Variants in NME7 observed in about 807,000 individuals in gnomAD.
NME7 encodes NME/NM23 family member 7.
NME7 carries 41 observed loss-of-function variants against 49.1 expected under a neutral mutation model. The observed-to-expected ratio is 0.83, with a 90% confidence interval of 0.65 to 1.08. The LOEUF is 1.08. Among genes scored for constraint, NME7 ranks in the 50% least tolerant of loss-of-function variants. The pLI, the probability that NME7 is intolerant of heterozygous loss-of-function variation, is 0.00. For synonymous variants in NME7, 139 were observed against 150.6 expected, an observed-to-expected ratio of 0.92 and a Z score of 0.56; for missense variants, 423 against 463.4, an observed-to-expected ratio of 0.91 and a Z score of 0.80.
intron 7 of NME7, among the ~76,000 whole-genome samples, chr1:169,278,479 C>T (rs1273238418): frequency 1.3e-5 from 2 of 152,112 alleles, no homozygotes; most frequent in African/African-American, 4.8e-5. Flanking sequence ...TTGATCGCAT[C>T]GACTCCTGAG....
chr1:169,168,689 A>C (rs1659486132), intron 11 of NME7, among the ~76,000 whole-genome samples: 2 of 152,180 alleles, frequency 1.3e-5, no homozygotes, highest in Non-Finnish European at 2.9e-5. Flanking sequence ...ATCTACATAT[A>C]ACTTTTGATT....
chr1:169,157,179 A>AT (rs1659102298), intron 11 of NME7, among the ~76,000 whole-genome samples: 1 of 152,168 alleles, frequency 6.6e-6, no homozygotes, highest in Admixed American at 6.5e-5. Flanking sequence ...TCATTGAGAC[A>AT]TTTCCGCCAC....
At chr1:169,242,363 T>G (rs1297980825) in intron 7 of NME7, among the ~76,000 whole-genome samples, 1 of 151,676 alleles carries the variant, frequency 6.6e-6, no homozygotes, top group East Asian at 1.9e-4. Flanking sequence ...AAAAAACATT[T>G]GAAAATATAC....
chr1:169,285,987 A>G (rs1197411387), intron 7 of NME7: 1 of 152,210 alleles, frequency 6.6e-6, no homozygotes, highest in African/African-American at 2.4e-5. Context: ...TTTAATTTTA[A>G]TATCAAAACA....
At chr1:169,185,096 C>T (rs911989746) in intron 10 of NME7, among the ~76,000 whole-genome samples, 2 of 152,120 alleles carry the variant, frequency 1.3e-5, no homozygotes, top group African/African-American at 4.8e-5. Flanking sequence ...GAACTTCTTT[C>T]CATTCTGAAC....
chr1:169,283,899 C>A (rs1296530515), intron 7 of NME7: 1 of 152,022 alleles, frequency 6.6e-6, no homozygotes, highest in African/African-American at 2.4e-5. Context: ...TCATTTCAAC[C>A]TTGGTGAATC....
In NME7 at chr1:169,132,795, A is replaced by G. The variant is rs1397040107; in HGVS notation, c.1121T>C (p.Leu374Ser). The G allele has an allele frequency of 1.2e-6, 2 of 1,613,386 alleles. No homozygotes were observed. The highest frequency in any genetic ancestry group is 2.2e-5 in the East Asian group (1 of 44,838). ...LLEVQYFFKI[L>S]DN ...TTACTTTCCACACCACTAATTATCC[A>G]AGATCTTGAAGAAGTATTGAACCTG... The change falls in exon 12 of 12, where the codon TTG (leucine) becomes TCG (serine). Residue 374 changes from leucine (L) to serine (S), a missense_variant. By Grantham distance (145) the Leu-to-Ser change is moderately radical (BLOSUM62 -2). Transcript: ENST00000367811.
chr1:169,256,127 G>C lies in NME7; in HGVS notation c.755-18440C>G, dbSNP rs1200988167. Among the ~76,000 whole-genome samples, 6 of 133,208 alleles carry C rather than the reference G, an allele frequency of 4.5e-5. 1 individual carries two copies. Among genetic ancestry groups the C allele is most frequent in the Non-Finnish European group, 1.1e-4 (6 of 56,726 alleles). 87.4% of individuals were successfully genotyped at this position (133,208 alleles called of 152,430 possible). A position where few individuals can be genotyped will look rare whatever the true frequency, so the allele number is the denominator to read the frequency against. ...TGTTGGCCTGCCTTGCTAGATTGGG[G>C]AAGTTCTCCTGGATAATATCCTACA... On this transcript the variant is annotated intron_variant, in intron 7 of 11. Coordinates refer to ENST00000367811, the MANE Select transcript of NME7 (RefSeq NM_013330.5).
chr1:169,195,013 A>G (rs1660335933), intron 10 of NME7, among the ~76,000 whole-genome samples: 1 of 152,208 alleles, frequency 6.6e-6, no homozygotes, highest in African/African-American at 2.4e-5. Flanking sequence ...AGAACAGACC[A>G]GAGACTAACT....
intron 1 of NME7, among the ~76,000 whole-genome samples, chr1:169,325,166 G>C (rs760022498): frequency 2.6e-5 from 4 of 152,084 alleles, no homozygotes; most frequent in African/African-American, 4.8e-5. Context: ...ATAGAAGTTT[G>C]ACACAGAGTG....
chr1:169,356,324 A>T (rs988684120), intron 1 of NME7, among the ~76,000 whole-genome samples: 1 of 152,142 alleles, frequency 6.6e-6, no homozygotes, highest in Non-Finnish European at 1.5e-5. Context: ...GCTAAAGTGA[A>T]AAAAGAAGGT....
At chr1:169,142,519 C>T (rs1055750791) in intron 11 of NME7, among the ~76,000 whole-genome samples, 2 of 152,054 alleles carry the variant, frequency 1.3e-5, no homozygotes, top group Non-Finnish European at 2.9e-5. Context: ...AAAAGAAGCA[C>T]CTGCAATTTG....
intron 7 of NME7, chr1:169,247,136 T>C (rs1463097383): frequency 2.2e-6 from 1 of 454,666 alleles, no homozygotes; most frequent in East Asian, 6.9e-5. Flanking sequence ...GATCACAGTT[T>C]TAAAACAAGG....
At chr1:169,337,213 C>T (rs918893173) in intron 1 of NME7, among the ~76,000 whole-genome samples, 1 of 152,206 alleles carries the variant, frequency 6.6e-6, no homozygotes, top group African/African-American at 2.4e-5. Flanking sequence ...GGTCCCGAGC[C>T]GTGCCCCGTG....
At chr1:169,266,967 CT>C (rs1190597524) in intron 7 of NME7, among the ~76,000 whole-genome samples, 1 of 132,754 alleles carries the variant, frequency 7.5e-6, no homozygotes, top group Non-Finnish European at 1.8e-5. Context: ...ACTTGGGAGG[CT>C]GAGGCACAAG....
At chr1:169,256,891 G>A (rs1648965466) in intron 7 of NME7, among the ~76,000 whole-genome samples, 1 of 131,772 alleles carries the variant, frequency 7.6e-6, no homozygotes, top group Admixed American at 7.4e-5. Context: ...TCAGGGGTCA[G>A]GGACCCACTT....
At chr1:169,251,809 T>C (rs1648636334) in intron 7 of NME7, among the ~76,000 whole-genome samples, 1 of 150,410 alleles carries the variant, frequency 6.6e-6, no homozygotes, top group South Asian at 2.1e-4. Context: ...GAATATGCAG[T>C]GTTTGGTTTT....
At chr1:169,239,642 C>T (rs1434079182) in intron 7 of NME7, among the ~76,000 whole-genome samples, 2 of 152,080 alleles carry the variant, frequency 1.3e-5, no homozygotes, top group East Asian at 3.9e-4. Context: ...AAATTAGTGA[C>T]ATGGGATTGC....
intron 7 of NME7, among the ~76,000 whole-genome samples, chr1:169,278,371 A>G (rs1053501885): frequency 3.3e-5 from 5 of 152,044 alleles, no homozygotes; most frequent in Admixed American, 2.6e-4. Flanking sequence ...TATTTCTTGG[A>G]GGCTTTGTTT....
Sources: allele counts gnomAD v4.1 joint callset (sites outside exome capture counted in the v4.1 genomes callset), GRCh38; gene constraint gnomAD v4.1.1; transcripts MANE v1.5; gene names NCBI Gene and HGNC (gene_info 2026-07-23, HGNC 2026-07-21).